SLCO2A1: variants seen among roughly 807,000 people sequenced by gnomAD.
SLCO2A1 encodes the protein matrin F/G 1.
In SLCO2A1, 60 loss-of-function variants were observed where a neutral mutation model predicts 71.7. The observed-to-expected ratio is 0.84, with a 90% confidence interval of 0.68 to 1.04. SLCO2A1 has a LOEUF of 1.04. Ranked by LOEUF, SLCO2A1 falls within the 50% of genes least tolerant of loss-of-function variation. The pLI is 0.00. For synonymous variants in SLCO2A1, 308 were observed against 326.7 expected (o/e 0.94, Z 0.62); for missense variants, 745 against 813.4 (o/e 0.92, Z 1.02).
intron 1 of SLCO2A1, among the ~76,000 whole-genome samples, chr3:133,989,960 C>T (rs1043876456): frequency 6.6e-6 from 1 of 151,942 alleles, no homozygotes; most frequent in East Asian, 1.9e-4. Context: ...GGCTTCCCTC[C>T]TGGGCACAAA....
chr3:133,938,207 A>G (rs1198671308), intron 12 of SLCO2A1, among the ~76,000 whole-genome samples: 1 of 152,206 alleles, frequency 6.6e-6, no homozygotes, highest in Non-Finnish European at 1.5e-5. Flanking sequence ...TTTTTCTTAC[A>G]TAACTTAGTT....
chr3:133,935,317 T>C (rs768007381), intron 13 of SLCO2A1, among the ~76,000 whole-genome samples: 2 of 152,124 alleles, frequency 1.3e-5, no homozygotes, highest in Non-Finnish European at 2.9e-5. Context: ...CAGAACCCAA[T>C]AGCACTGCAG....
chr3:133,944,959 G>A, intron 10 of SLCO2A1, 136 bp downstream of exon 10: 1 of 1,052,138 alleles, frequency 9.5e-7, no homozygotes, highest in South Asian at 1.6e-5. Flanking sequence ...TGGCTCAGAG[G>A]AGGCCAGGAT....
At chr3:134,021,159 C>A (rs149692108) in intron 1 of SLCO2A1, among the ~76,000 whole-genome samples, 1 of 152,166 alleles carries the variant, frequency 6.6e-6, no homozygotes, top group Non-Finnish European at 1.5e-5. Flanking sequence ...AAAGTGTGTG[C>A]GTGCCCTTTT....
chr3:133,943,822 G>A (rs908779336), intron 10 of SLCO2A1, among the ~76,000 whole-genome samples: 9 of 152,214 alleles, frequency 5.9e-5, no homozygotes, highest in Non-Finnish European at 1.2e-4. Context: ...ACGCTCCTTC[G>A]CCCGCAGAGG....
chr3:133,975,824 T>C (rs1934429587), intron 2 of SLCO2A1, among the ~76,000 whole-genome samples: 1 of 152,216 alleles, frequency 6.6e-6, no homozygotes, highest in Admixed American at 6.5e-5. Flanking sequence ...CAAGAAGGTC[T>C]TTCTCTGACC....
chr3:133,989,311 T>C (rs1335618419), intron 1 of SLCO2A1, among the ~76,000 whole-genome samples: 1 of 152,260 alleles, frequency 6.6e-6, no homozygotes, highest in Non-Finnish European at 1.5e-5. Flanking sequence ...TTCATTCCTG[T>C]GTTTCATTCC....
chr3:133,995,659 C>A (rs1701359937), intron 1 of SLCO2A1, among the ~76,000 whole-genome samples: 1 of 152,192 alleles, frequency 6.6e-6, no homozygotes, highest in South Asian at 2.1e-4. Context: ...GGCCCCACAT[C>A]AATTCTGTCA....
chr3:133,951,321 C>T lies in SLCO2A1; in HGVS notation c.748G>A (p.Asp250Asn), dbSNP rs762089047. The change falls in exon 6 of 14, where the codon GAC becomes AAC. Residue 250 changes from aspartate to asparagine, a missense_variant. Asp to Asn is a conservative substitution (Grantham distance 23). Transcript: ENST00000310926. ...CACCAGGCTCCAATCCATCGGGGGT[C>T]ACCCGGGACCAAGTTAACTGCAGCT... The part of the protein sequence containing the change: ...NTAAVNLVPG[D>N]PRWIGAWWLG... 5 of 1,614,120 alleles carry T rather than the reference C, an allele frequency of 3.1e-6. No individual in the cohort carries two copies. Among genetic ancestry groups the T allele is most frequent in the Non-Finnish European group, 4.2e-6 (5 of 1,180,002 alleles).
intron 1 of SLCO2A1, among the ~76,000 whole-genome samples, chr3:133,988,414 C>A (rs954423473): frequency 2.0e-5 from 3 of 152,184 alleles, no homozygotes; most frequent in Non-Finnish European, 2.9e-5. Context: ...TGGAAGCCCC[C>A]ACTGCAAGTT....
Position 133,973,753 on chromosome 3 carries a change from T to C in SLCO2A1, c.307A>G (p.Ile103Val). The C allele has an allele frequency of 6.2e-7, 1 of 1,614,078 alleles. No homozygotes were observed. The highest frequency in any genetic ancestry group is 8.5e-7 in the Non-Finnish European group (1 of 1,180,022). ...SRVHRPRLIG[I>V]GGLFLAAGAF... ...CCTGCAGCCAGGAAGAGACCTCCGATGCCAATCAGACGTGGACGGTGCACC... is the reference window on the plus strand; with the variant it reads ...CCTGCAGCCAGGAAGAGACCTCCGACGCCAATCAGACGTGGACGGTGCACC... Residue 103 changes from isoleucine (I) to valine (V), a missense_variant, in exon 3 of 14, where the codon ATC becomes GTC. Coordinates refer to ENST00000310926, the MANE Select transcript of SLCO2A1 (RefSeq NM_005630.3).
chr3:133,991,024 C>T (rs1559949169), intron 1 of SLCO2A1, among the ~76,000 whole-genome samples: 2 of 152,016 alleles, frequency 1.3e-5, no homozygotes, highest in Non-Finnish European at 2.9e-5. Context: ...GCAGGAGAAT[C>T]GCTTAAACCT....
chr3:134,005,612 G>T (rs1484361934), intron 1 of SLCO2A1, among the ~76,000 whole-genome samples: 1 of 151,456 alleles, frequency 6.6e-6, no homozygotes, highest in Non-Finnish European at 1.5e-5. Flanking sequence ...CTCCCGAGTA[G>T]CTGGGACTAC....
Position 133,938,420 on chromosome 3 carries a change from G to T in SLCO2A1, c.1690+9C>A. 1 of 1,613,762 alleles carries T rather than the reference G, an allele frequency of 6.2e-7. No individual in the cohort carries two copies. The highest frequency in any genetic ancestry group is 8.5e-7 in the Non-Finnish European group (1 of 1,179,692). ...CCACTTCTTGGGAAGAGGGGTCTTAGACACTTACCCAGCAAGCGCATCAAC... is the reference window on the plus strand; with the variant it reads ...CCACTTCTTGGGAAGAGGGGTCTTATACACTTACCCAGCAAGCGCATCAAC... On this transcript the variant is annotated intron_variant, in intron 12 of 13. Coordinates refer to ENST00000310926, the MANE Select transcript of SLCO2A1 (RefSeq NM_005630.3).
chr3:134,024,173 G>A (rs1243636874), intron 1 of SLCO2A1, among the ~76,000 whole-genome samples: 1 of 152,190 alleles, frequency 6.6e-6, no homozygotes, highest in Non-Finnish European at 1.5e-5. Flanking sequence ...AAATGGAGTG[G>A]CACTTGTACT....
intron 6 of SLCO2A1, among the ~76,000 whole-genome samples, chr3:133,949,611 G>T (rs191027175): frequency 6.6e-6 from 1 of 152,274 alleles, no homozygotes; most frequent in East Asian, 1.9e-4. Context: ...ACAGCATTAG[G>T]ATCCTGCTGG....
intron 8 of SLCO2A1, among the ~76,000 whole-genome samples, chr3:133,948,131 A>ATAT (rs1352189704): frequency 2.0e-5 from 3 of 152,142 alleles, no homozygotes; most frequent in Admixed American, 2.0e-4. Flanking sequence ...TCTGGACCAT[A>ATAT]TATTGTCTAA....
At chr3:134,013,841 A>T (rs573882835) in intron 1 of SLCO2A1, among the ~76,000 whole-genome samples, 1 of 152,208 alleles carries the variant, frequency 6.6e-6, no homozygotes, top group Admixed American at 6.5e-5. Flanking sequence ...AAGTATAAAA[A>T]TATATCAAAG....
chr3:133,948,393 TA>T, intron 8 of SLCO2A1, 142 bp downstream of exon 8: 1 of 793,304 alleles, frequency 1.3e-6, no homozygotes. Flanking sequence ...AAACTGTCCT[TA>T]AAATTCTTTC....
Sources: gnomAD v4.1 joint callset for allele counts (sites outside exome capture counted in the v4.1 genomes callset) on GRCh38, gnomAD v4.1.1 for gene constraint, MANE v1.5 for transcripts, NCBI Gene and HGNC (gene_info 2026-07-23, HGNC 2026-07-21) for gene names.